Variants in ALK observed in about 807,000 individuals in gnomAD.
ALK encodes ALK tyrosine kinase receptor.
In ALK, 74 loss-of-function variants were observed where a neutral mutation model predicts 163.1. The observed-to-expected ratio is 0.45, with a 90% CI of 0.38 to 0.55. ALK has a LOEUF of 0.55. Ranked by LOEUF, ALK falls within the 20% of genes least tolerant of loss-of-function variation. The probability of loss-of-function intolerance (pLI) is 0.00; values close to 1 mark genes in which losing one functional copy is unlikely to be tolerated. For missense variants in ALK, 2,063 were observed against 2,105.3 expected (o/e 0.98, Z 0.39); for synonymous variants, 960 against 843.2 (o/e 1.14, Z -2.40).
intron 4 of ALK, among the ~76,000 whole-genome samples, chr2:29,412,139 C>T (rs1377486599): frequency 6.6e-6 from 1 of 152,162 alleles, no homozygotes; most frequent in Non-Finnish European, 1.5e-5. Context: ...CAAAAAGGTG[C>T]TATTTGAAGG....
At chr2:29,221,210 G>T (rs1534545) in intron 22 of ALK, 148,012 of 539,770 alleles carry the variant, frequency 0.27, 26,845 homozygotes, top group East Asian at 0.72. Flanking sequence ...GGCAGAAGGT[G>T]AAGCAAAACA....
chr2:29,254,179 C>T (rs977022501), intron 11 of ALK, among the ~76,000 whole-genome samples: 1 of 152,182 alleles, frequency 6.6e-6, no homozygotes, highest in South Asian at 2.1e-4. Context: ...GAGGCCTCTC[C>T]AGCCATGCTG....
intron 4 of ALK, among the ~76,000 whole-genome samples, chr2:29,486,483 A>G (rs1384209090): frequency 6.6e-6 from 1 of 152,144 alleles, no homozygotes; most frequent in Non-Finnish European, 1.5e-5. Context: ...AAATTCAAAC[A>G]CCTATCCCCT....
At chr2:29,444,065 T>C (rs1479341944) in intron 4 of ALK, among the ~76,000 whole-genome samples, 1 of 152,238 alleles carries the variant, frequency 6.6e-6, no homozygotes, top group East Asian at 1.9e-4. Flanking sequence ...TTTTCTCAAA[T>C]GTTCACATAA....
chr2:29,335,554 G>A (rs1295542114), intron 5 of ALK, among the ~76,000 whole-genome samples: 5 of 152,212 alleles, frequency 3.3e-5, no homozygotes, highest in African/African-American at 1.2e-4. Context: ...CTCACAGCTA[G>A]TAAACCACAG....
At position 29,223,515 on chromosome 2, in the gene ALK, C is replaced by T. The variant is rs1374146241; in HGVS notation, c.3186G>A (p.Lys1062=). 4.3e-6 allele frequency: 7 copies of T among 1,613,760 alleles called. No homozygotes were observed. In the African/African-American group the frequency reaches 8.0e-5, roughly 18 times the overall value. ...FSGIMIVYRR[K]HQELQAMQME... is the part of the protein sequence containing the mutation. ...TCTGCATGGCTTGCAGCTCCTGGTGCTTCCGGCGGTACACTGCAGGTGGGT... is the reference window on the plus strand; with the variant it reads ...TCTGCATGGCTTGCAGCTCCTGGTGTTTCCGGCGGTACACTGCAGGTGGGT... The change falls in exon 20 of 29, where the codon AAG becomes AAA. Residue 1062 remains lysine (K), a synonymous_variant. Transcript: ENST00000389048.
At chr2:29,197,003 C>T in intron 27 of ALK, 143 bp from the exon 28 acceptor site, 1 of 693,198 alleles carries the variant, frequency 1.4e-6, no homozygotes. Flanking sequence ...CTGCCCCCTG[C>T]TGATTGGTCA....
At chr2:29,706,732 A>C (rs1678921387) in intron 2 of ALK, among the ~76,000 whole-genome samples, 1 of 152,228 alleles carries the variant, frequency 6.6e-6, no homozygotes, top group South Asian at 2.1e-4. Flanking sequence ...ACTATGTTAC[A>C]GATAGAAAAA....
chr2:29,713,035 G>T (rs1410939568), intron 2 of ALK, among the ~76,000 whole-genome samples: 2 of 152,148 alleles, frequency 1.3e-5, no homozygotes, highest in Non-Finnish European at 1.5e-5. Flanking sequence ...TGTAGGCAGG[G>T]CCATGCTCTC....
At chr2:29,216,935 GTGTGTGTGT>G in intron 23 of ALK, among the ~76,000 whole-genome samples, 1 of 28,912 alleles carries the variant, frequency 3.5e-5, no homozygotes, top group African/African-American at 5.5e-5. Flanking sequence ...TGTGTGGGGG[GTGTGTGTGT>G]GGCATGTGAT....
At chr2:29,493,509 G>A (rs1671953064) in intron 4 of ALK, among the ~76,000 whole-genome samples, 1 of 152,206 alleles carries the variant, frequency 6.6e-6, no homozygotes, top group African/African-American at 2.4e-5. Context: ...CTGAGAGGTT[G>A]ACTAGGATGC....
At position 29,209,859 on chromosome 2, in the gene ALK, A is replaced by G. The variant is rs2148155336; in HGVS notation, c.3763T>C (p.Cys1255Arg). 1 of 1,614,158 alleles carries G rather than the reference A, an allele frequency of 6.2e-7. No homozygotes were observed. The highest frequency in any genetic ancestry group is 1.3e-5 in the African/African-American group (1 of 75,064). The change falls in exon 25 of 29, where the codon TGC becomes CGC. Residue 1255 changes from cysteine (C) to arginine (R), a missense_variant. This residue lies in a region of ALK where 83 missense variants were observed against 139.7 expected (regional missense o/e 0.59). Transcript: ENST00000389048. ...FIHRDIAARN[C>R]LLTCPGPGRV... ...CCAGGGCCTGGACAGGTCAAGAGGC[A>G]GTTTCTGGCAGCAATGTCTCTGGGA...
At chr2:29,709,597 AGT>A (rs1216178161) in intron 2 of ALK, among the ~76,000 whole-genome samples, 1 of 152,202 alleles carries the variant, frequency 6.6e-6, no homozygotes, top group African/African-American at 2.4e-5. Flanking sequence ...CACAAGGAAA[AGT>A]GTGACATCAG....
At chr2:29,572,171 G>A (rs1029564814) in intron 3 of ALK, among the ~76,000 whole-genome samples, 5 of 152,146 alleles carry the variant, frequency 3.3e-5, no homozygotes, top group Non-Finnish European at 7.3e-5. Flanking sequence ...GGCACTTGAG[G>A]GTCTCTCTGC....
chr2:29,314,499 T>C (rs1666775393), intron 8 of ALK, among the ~76,000 whole-genome samples: 1 of 151,922 alleles, frequency 6.6e-6, no homozygotes, highest in African/African-American at 2.4e-5. Context: ...GTGTGTGTGT[T>C]TGCGTGTACA....
intron 3 of ALK, among the ~76,000 whole-genome samples, chr2:29,631,474 C>T (rs545829209): frequency 7.9e-5 from 12 of 152,304 alleles, no homozygotes; most frequent in African/African-American, 1.7e-4. Context: ...CATCCTGGGA[C>T]GGGTTGTGCA....
At chr2:29,875,561 C>A (rs1398537378) in intron 1 of ALK, among the ~76,000 whole-genome samples, 1 of 152,088 alleles carries the variant, frequency 6.6e-6, no homozygotes, top group African/African-American at 2.4e-5. Context: ...TTAGGTATTT[C>A]TCCTAATGCT....
At chr2:29,620,817 AC>A (rs1676014363) in intron 3 of ALK, among the ~76,000 whole-genome samples, 1 of 152,214 alleles carries the variant, frequency 6.6e-6, no homozygotes, top group African/African-American at 2.4e-5. Flanking sequence ...GGGAGAAAGA[AC>A]GCATACAAAT....
At chr2:29,876,884 C>T (rs183522150) in intron 1 of ALK, among the ~76,000 whole-genome samples, 1 of 152,272 alleles carries the variant, frequency 6.6e-6, no homozygotes, top group East Asian at 1.9e-4. Flanking sequence ...GTAGATCCCA[C>T]CTTTGCATTG....
Sources: allele counts gnomAD v4.1 joint callset (sites outside exome capture counted in the v4.1 genomes callset), GRCh38; gene constraint gnomAD v4.1.1; regional missense constraint gnomAD v4.1.1; transcripts MANE v1.5; gene names NCBI Gene and HGNC (gene_info 2026-07-23, HGNC 2026-07-21).